Variants in SCN2A observed in about 807,000 individuals in gnomAD.
SCN2A encodes sodium channel protein type 2 subunit alpha.
In SCN2A, 20 loss-of-function variants were observed where a neutral mutation model predicts 188.7. The ratio of observed to expected loss-of-function variants is 0.11; its 90% CI spans 0.07 to 0.15. The LOEUF is 0.15. SCN2A is among the 10% of genes least tolerant of loss of function. SCN2A has a pLI of 1.00. For missense variants in SCN2A, 1,278 were observed against 2,445.0 expected (o/e 0.52, Z 10.07); for synonymous variants, 804 against 833.1 (o/e 0.97, Z 0.60).
intron 26 of SCN2A, among the ~76,000 whole-genome samples, 165 bp downstream of exon 26, chr2:165,387,181 T>C (rs560402404): frequency 8.9e-4 from 135 of 152,336 alleles, no homozygotes; most frequent in African/African-American, 3.0e-3. Flanking sequence ...TCTAATTGCA[T>C]GCTGTGCTTG....
chr2:165,271,526 G>A (rs191671530), intron 1 of SCN2A: 20 of 152,180 alleles, frequency 1.3e-4, no homozygotes, highest in African/African-American at 3.9e-4. Context: ...ATGGAAAATA[G>A]GAAGTAGACA....
chr2:165,361,844 A>G (rs557040927), intron 17 of SCN2A, among the ~76,000 whole-genome samples: 1 of 152,092 alleles, frequency 6.6e-6, no homozygotes, highest in Non-Finnish European at 1.5e-5. Flanking sequence ...CACCTCATAC[A>G]CTCACATTAG....
chr2:165,330,443 G>T (rs1376332210), intron 13 of SCN2A, among the ~76,000 whole-genome samples: 5 of 152,088 alleles, frequency 3.3e-5, no homozygotes, highest in African/African-American at 7.2e-5. Context: ...TTTTGGGTGT[G>T]ACCTTAAAGA....
intron 19 of SCN2A, 78 bp downstream of exon 19, chr2:165,367,449 A>G (rs1700789005): frequency 1.4e-6 from 2 of 1,447,228 alleles, no homozygotes; most frequent in Admixed American, 1.7e-5. Context: ...CATATTACCC[A>G]CTTTTAAATT....
chr2:165,287,624 A>T (rs1695910099), intron 1 of SCN2A, among the ~76,000 whole-genome samples: 1 of 152,114 alleles, frequency 6.6e-6, no homozygotes, highest in Non-Finnish European at 1.5e-5. Context: ...TGGTTGCCTG[A>T]CATTCCTGAG....
chr2:165,340,896 G>T (rs900101023), intron 14 of SCN2A, among the ~76,000 whole-genome samples: 1 of 152,208 alleles, frequency 6.6e-6, no homozygotes, highest in African/African-American at 2.4e-5. Flanking sequence ...GGTGATGTCG[G>T]TCTTGTTGGT....
intron 1 of SCN2A, among the ~76,000 whole-genome samples, chr2:165,260,970 C>CAAAAAAA (rs760304392): frequency 1.1e-4 from 10 of 90,346 alleles, no homozygotes; most frequent in East Asian, 7.1e-4. Flanking sequence ...AACTCCGTCT[C>CAAAAAAA]AAAAAAAAAA....
chr2:165,294,885 T>C (rs995552535), intron 1 of SCN2A, among the ~76,000 whole-genome samples: 3 of 152,226 alleles, frequency 2.0e-5, no homozygotes, highest in Non-Finnish European at 4.4e-5. Context: ...CGTAAACTTA[T>C]TATTTTTTCT....
In SCN2A at chr2:165,377,586, T is replaced by C; in HGVS notation, c.4255-11T>C. 1.2e-6 allele frequency: 2 copies of C among 1,602,008 alleles called. No individual in the cohort carries two copies. The highest frequency in any genetic ancestry group is 2.3e-5 in the South Asian group (2 of 88,886). On this transcript the variant is annotated splice_polypyrimidine_tract_variant and intron_variant, in intron 22 of 26. Transcript: ENST00000375437. ...TTGGGAAAAAAGAAAATGATATGACTTTTCTTACAGGCCACGTTTAAGGGA... is the reference window on the plus strand; with the variant it reads ...TTGGGAAAAAAGAAAATGATATGACCTTTCTTACAGGCCACGTTTAAGGGA...
chr2:165,329,478 C>A (rs1698558840), intron 13 of SCN2A, among the ~76,000 whole-genome samples: 1 of 152,082 alleles, frequency 6.6e-6, no homozygotes, highest in African/African-American at 2.4e-5. Context: ...TGAGATTCCC[C>A]CCTTTTTTTT....
At chr2:165,290,721 T>C (rs1438146137) in intron 1 of SCN2A, 2 of 971,838 alleles carry the variant, frequency 2.1e-6, no homozygotes, top group Non-Finnish European at 2.4e-6. Flanking sequence ...ACACTCATCA[T>C]AGAGATTTAT....
intron 1 of SCN2A, chr2:165,285,246 G>C (rs72872477): frequency 0.18 from 27,387 of 153,284 alleles, 2,804 homozygotes; most frequent in East Asian, 0.24. Context: ...TCCACCAGGA[G>C]CCAAAGATGA....
intron 22 of SCN2A, among the ~76,000 whole-genome samples, chr2:165,376,197 A>G (rs1558875932): frequency 6.6e-6 from 1 of 151,866 alleles, no homozygotes; most frequent in Non-Finnish European, 1.5e-5. Flanking sequence ...ATGTTTTCTC[A>G]TCAGAAAAAA....
At chr2:165,380,206 T>G (rs13428794) in intron 23 of SCN2A, among the ~76,000 whole-genome samples, 6,025 of 151,820 alleles carry the variant, frequency 0.04, 388 homozygotes, top group African/African-American at 0.14. Context: ...GAAAACTGAG[T>G]CAGAGAAAGT....
intron 11 of SCN2A, among the ~76,000 whole-genome samples, chr2:165,321,422 T>C (rs1698069988): frequency 6.6e-6 from 1 of 152,208 alleles, no homozygotes; most frequent in African/African-American, 2.4e-5. Flanking sequence ...CATTTTTGGG[T>C]ATCTTTTCAG....
chr2:165,245,688 A>G (rs1051114011), intron 1 of SCN2A, among the ~76,000 whole-genome samples: 1 of 152,210 alleles, frequency 6.6e-6, no homozygotes, highest in Non-Finnish European at 1.5e-5. Context: ...AAAATGTGTC[A>G]TCTAAACCAG....
intron 3 of SCN2A, among the ~76,000 whole-genome samples, chr2:165,303,308 C>T (rs1199760475): frequency 1.2e-4 from 14 of 120,576 alleles, no homozygotes; most frequent in African/African-American, 3.9e-4. Context: ...CGGGTTCTCG[C>T]TCTGTCGCCC....
chr2:165,265,726 T>C (rs1347417146), intron 1 of SCN2A, among the ~76,000 whole-genome samples: 1 of 151,130 alleles, frequency 6.6e-6, no homozygotes, highest in Non-Finnish European at 1.5e-5. Context: ...CTTAATAGTA[T>C]TTTCATGTTG....
chr2:165,331,258 T>A, intron 13 of SCN2A, 72 bp from the exon 14 acceptor site: 2 of 1,220,156 alleles, frequency 1.6e-6, no homozygotes, highest in Non-Finnish European at 1.2e-6. Flanking sequence ...TTAAATTCCT[T>A]TTAATTTAAA....
Sources: gnomAD v4.1 joint callset for allele counts (sites outside exome capture counted in the v4.1 genomes callset) on GRCh38, gnomAD v4.1.1 for gene constraint, MANE v1.5 for transcripts, NCBI Gene and HGNC (gene_info 2026-07-23, HGNC 2026-07-21) for gene names.